FGF14: variants seen among roughly 807,000 people sequenced by gnomAD.
The protein encoded by FGF14 is fibroblast growth factor 14, also known as fibroblast growth factor homologous factor 4.
In FGF14, 5 loss-of-function variants were observed where a neutral mutation model predicts 25.5. The observed-to-expected ratio is 0.20, with a 90% CI of 0.10 to 0.41. The LOEUF is 0.41. FGF14 is among the 10% of genes least tolerant of loss of function. The probability of loss-of-function intolerance (pLI) is 1.00; values close to 1 mark genes in which losing one functional copy is unlikely to be tolerated. For missense variants in FGF14, 222 were observed against 320.1 expected (o/e 0.69, Z 2.34); for synonymous variants, 138 against 118.3 (o/e 1.17, Z -1.08).
At chr13:102,131,878 C>G (rs528022528) in intron 1 of FGF14, among the ~76,000 whole-genome samples, 1 of 152,246 alleles carries the variant, frequency 6.6e-6, no homozygotes, top group South Asian at 2.1e-4. Flanking sequence ...ACGTGAGATT[C>G]ATCGAAATAG....
intron 1 of FGF14, among the ~76,000 whole-genome samples, chr13:102,401,252 T>A (rs2058697811): frequency 1.3e-5 from 2 of 151,882 alleles, no homozygotes; most frequent in East Asian, 1.9e-4. Context: ...TAGTGATGGA[T>A]TGTGTCACAG....
At chr13:101,816,557 TG>T (rs560048003) in intron 3 of FGF14, among the ~76,000 whole-genome samples, 175 of 152,218 alleles carry the variant, frequency 1.1e-3, no homozygotes, top group Non-Finnish European at 2.5e-4. Flanking sequence ...TACAGAGATC[TG>T]AAAAAATTAT....
intron 1 of FGF14, among the ~76,000 whole-genome samples, chr13:101,961,474 G>A (rs566661173): frequency 6.6e-6 from 1 of 152,164 alleles, no homozygotes; most frequent in South Asian, 2.1e-4. Context: ...TTTTTGTCAG[G>A]CTTGTTGAAG....
intron 1 of FGF14, among the ~76,000 whole-genome samples, chr13:101,945,037 C>T (rs1282059461): frequency 1.3e-5 from 2 of 152,150 alleles, no homozygotes; most frequent in East Asian, 3.9e-4. Flanking sequence ...GGTTACAGGC[C>T]AGGCGCGGTG....
intron 1 of FGF14, among the ~76,000 whole-genome samples, chr13:102,181,070 C>A (rs1486304336): frequency 6.6e-6 from 1 of 152,146 alleles, no homozygotes; most frequent in African/African-American, 2.4e-5. Context: ...AAATCTAGCT[C>A]TCTACCTGTT....
intron 1 of FGF14, among the ~76,000 whole-genome samples, chr13:101,883,977 C>A (rs1280195831): frequency 2.9e-5 from 4 of 139,310 alleles, no homozygotes; most frequent in African/African-American, 1.1e-4. Flanking sequence ...GCAGGAGAAT[C>A]AATTGAACCT....
Position 101,810,056 on chromosome 13 carries a change from A to G in FGF14, c.408+58669T>C, listed in dbSNP as rs143688161. On this transcript the variant is annotated intron_variant, in intron 3 of 4. Coordinates refer to ENST00000376143, the MANE Select transcript of FGF14 (RefSeq NM_004115.4). ...AGATTAGTAGCTTTTAGTCAGTTGT[A>G]TACAATTGTACTAAGACATAATGTC... is the stretch of plus-strand genomic sequence containing the variant. Among the ~76,000 whole-genome samples the G allele has an allele frequency of 5.2e-3, 794 of 152,318 alleles. 11 individuals are homozygous for G. Among genetic ancestry groups the G allele is most frequent in the African/African-American group, 0.018 (761 of 41,564 alleles).
chr13:102,238,529 G>C (rs1272356331), intron 1 of FGF14, among the ~76,000 whole-genome samples: 1 of 152,170 alleles, frequency 6.6e-6, no homozygotes, highest in Non-Finnish European at 1.5e-5. Context: ...GAGAGAAACT[G>C]AACTTCCCTC....
intron 1 of FGF14, chr13:102,395,257 C>T (rs2058551951): frequency 6.6e-6 from 1 of 152,104 alleles, no homozygotes; most frequent in African/African-American, 2.4e-5. Flanking sequence ...GAATGTCTTC[C>T]TTGTTAAGAA....
chr13:102,190,579 C>G (rs990477477), intron 1 of FGF14, among the ~76,000 whole-genome samples: 1 of 152,144 alleles, frequency 6.6e-6, no homozygotes, highest in Non-Finnish European at 1.5e-5. Flanking sequence ...ATCCTTGGAT[C>G]TGGGTGTGAG....
At chr13:102,276,343 GTGTGTGTGTGTATA>G (rs1450255771) in intron 1 of FGF14, among the ~76,000 whole-genome samples, 1 of 32,312 alleles carries the variant, frequency 3.1e-5, no homozygotes, top group East Asian at 1.6e-3. Flanking sequence ...GTGTGTGTGT[GTGTGTGTGTGTATA>G]TATATATATA....
chr13:101,850,511 TATA>T (rs1409839383), intron 3 of FGF14, among the ~76,000 whole-genome samples: 290 of 3,162 alleles, frequency 0.092, 92 homozygotes, highest in South Asian at 0.31. Context: ...TATATATATA[TATA>T]GAATTATATA....
chr13:101,864,833 T>C (rs2044612359), intron 3 of FGF14, among the ~76,000 whole-genome samples: 1 of 152,004 alleles, frequency 6.6e-6, no homozygotes, highest in Non-Finnish European at 1.5e-5. Context: ...AAAATACCAA[T>C]AAGGAATCTC....
intron 1 of FGF14, among the ~76,000 whole-genome samples, chr13:102,224,373 C>G (rs1452648877): frequency 3.3e-5 from 5 of 152,024 alleles, no homozygotes; most frequent in Non-Finnish European, 1.5e-5. Flanking sequence ...GTGATCTTTT[C>G]CTAAGAAAGA....
intron 1 of FGF14, among the ~76,000 whole-genome samples, chr13:102,321,484 A>AT (rs1178197582): frequency 1.3e-5 from 2 of 152,146 alleles, no homozygotes; most frequent in African/African-American, 4.8e-5. Context: ...ATAAACACAA[A>AT]TTTTCATTTA....
chr13:101,851,324 C>T (rs927467028), intron 3 of FGF14, among the ~76,000 whole-genome samples: 2 of 151,964 alleles, frequency 1.3e-5, no homozygotes, highest in African/African-American at 4.8e-5. Flanking sequence ...GCAAACTCAG[C>T]ATGGGAGAAG....
intron 3 of FGF14, among the ~76,000 whole-genome samples, chr13:101,783,193 C>T (rs1056131365): frequency 4.0e-5 from 6 of 151,814 alleles, no homozygotes; most frequent in Non-Finnish European, 7.4e-5. Flanking sequence ...AAGTGTTGGC[C>T]GGGCGCGGTG....
At chr13:102,078,181 T>C (rs915407621) in intron 1 of FGF14, among the ~76,000 whole-genome samples, 5 of 152,176 alleles carry the variant, frequency 3.3e-5, no homozygotes, top group African/African-American at 1.2e-4. Flanking sequence ...AAAATTTCAA[T>C]TCAATAGAAA....
intron 1 of FGF14, among the ~76,000 whole-genome samples, chr13:101,905,723 T>C (rs1437983859): frequency 2.0e-5 from 3 of 152,076 alleles, no homozygotes; most frequent in Non-Finnish European, 4.4e-5. Flanking sequence ...ATTATAGGAA[T>C]GAACAGAGGG....
Sources: gnomAD v4.1 joint callset for allele counts (sites outside exome capture counted in the v4.1 genomes callset) on GRCh38, gnomAD v4.1.1 for gene constraint, MANE v1.5 for transcripts, NCBI Gene and HGNC (gene_info 2026-07-23, HGNC 2026-07-21) for gene names.